The following KCNC2 variants were observed in gnomAD, a reference collection of about 807,000 sequenced individuals.
KCNC2 encodes potassium voltage-gated channel subfamily C member 2.
KCNC2 carries 21 observed loss-of-function variants against 44.5 expected under a neutral mutation model. The observed-to-expected ratio is 0.47, with a 90% confidence interval of 0.33 to 0.68. The LOEUF (loss-of-function observed/expected upper bound fraction) is 0.68, where lower values mean the gene tolerates loss of function less well. KCNC2 is among the 30% of genes least tolerant of loss of function. The probability of loss-of-function intolerance (pLI) is 0.01; values close to 1 mark genes in which losing one functional copy is unlikely to be tolerated. For missense variants in KCNC2, 589 were observed against 826.2 expected (o/e 0.71, Z 3.52); for synonymous variants, 391 against 339.1 (o/e 1.15, Z -1.68).
intron 2 of KCNC2, among the ~76,000 whole-genome samples, chr12:75,116,232 A>G (rs1404290349): frequency 6.6e-6 from 1 of 152,158 alleles, no homozygotes; most frequent in Non-Finnish European, 1.5e-5. Flanking sequence ...CAGGACCTGA[A>G]TTTACATGTT....
chr12:75,132,625 T>C (rs756933798), intron 2 of KCNC2, among the ~76,000 whole-genome samples: 10 of 152,176 alleles, frequency 6.6e-5, no homozygotes, highest in Non-Finnish European at 1.5e-4. Flanking sequence ...GTTGTAGTCA[T>C]AGCTCCTTCT....
chr12:75,102,288 AAGAG>A lies in KCNC2; in HGVS notation c.688-50975_688-50972del, dbSNP rs1461229649. 2.0e-5 allele frequency among the ~76,000 whole-genome samples: 3 copies of A among 152,120 alleles called. No individual in the cohort carries two copies. The East Asian group carries it at 5.8e-4, about 29-fold the overall frequency. On this transcript the variant is annotated intron_variant, in intron 2 of 4. Transcript: ENST00000549446. Reference sequence around the variant, plus strand: ...ATTTTGCACACTACGTAAGGACAAAAAGAGAGAATCATGTTGAGTAAATCTGACT... The same window carrying A: ...ATTTTGCACACTACGTAAGGACAAAAAGAATCATGTTGAGTAAATCTGACT...
chr12:75,070,796 G>T (rs948484875), intron 2 of KCNC2, among the ~76,000 whole-genome samples: 1 of 151,934 alleles, frequency 6.6e-6, no homozygotes. Flanking sequence ...GACAGCATTT[G>T]TGGGAAATAA....
intron 2 of KCNC2, among the ~76,000 whole-genome samples, chr12:75,093,240 C>T (rs1329331109): frequency 1.3e-5 from 2 of 151,524 alleles, no homozygotes; most frequent in Non-Finnish European, 3.0e-5. Flanking sequence ...AATTTAGGAA[C>T]ATCTTTTAGA....
chr12:75,098,913 T>C (rs1198017444), intron 2 of KCNC2, among the ~76,000 whole-genome samples: 1 of 152,106 alleles, frequency 6.6e-6, no homozygotes, highest in Non-Finnish European at 1.5e-5. Flanking sequence ...TGACATGCAG[T>C]GTGAGGCTTT....
intron 2 of KCNC2, among the ~76,000 whole-genome samples, chr12:75,137,493 C>T (rs1889314479): frequency 6.6e-6 from 1 of 152,062 alleles, no homozygotes; most frequent in Non-Finnish European, 1.5e-5. Context: ...CATGGACTAA[C>T]AAAGATTTTT....
At chr12:75,122,515 A>G (rs901038351) in intron 2 of KCNC2, among the ~76,000 whole-genome samples, 4 of 152,176 alleles carry the variant, frequency 2.6e-5, no homozygotes, top group Admixed American at 6.5e-5. Flanking sequence ...CATTAATCCT[A>G]TGAACTGATC....
intron 2 of KCNC2, among the ~76,000 whole-genome samples, chr12:75,075,864 T>G (rs757121121): frequency 6.6e-6 from 1 of 152,158 alleles, no homozygotes; most frequent in Non-Finnish European, 1.5e-5. Context: ...ATTCATAAAT[T>G]CCTATCTCCA....
chr12:75,171,387 ACCT>A (rs759990045), intron 2 of KCNC2, among the ~76,000 whole-genome samples: 7 of 151,808 alleles, frequency 4.6e-5, no homozygotes, highest in Non-Finnish European at 2.9e-5. Context: ...GGATTGGGAA[ACCT>A]TGAGGCTATC....
chr12:75,112,729 C>A (rs964207089), intron 2 of KCNC2, among the ~76,000 whole-genome samples: 13 of 151,896 alleles, frequency 8.6e-5, no homozygotes, highest in Non-Finnish European at 1.5e-4. Flanking sequence ...AACAAGCCAT[C>A]AAAATACATA....
At position 75,042,386 on chromosome 12, in the gene KCNC2, C is replaced by A. The variant is rs1790326903; in HGVS notation, c.*719G>T. ...CTCTTTGCAGTTATCTGTGTGCAAA[C>A]AACCAGAGACATTCAGAACTCCAAT... On this transcript the variant is annotated 3_prime_UTR_variant, in exon 5 of 5. Coordinates refer to ENST00000549446, the MANE Select transcript of KCNC2 (RefSeq NM_139137.4). The A allele has an allele frequency of 3.1e-6, 5 of 1,609,272 alleles. No homozygotes were observed. Among genetic ancestry groups the A allele is most frequent in the Non-Finnish European group, 4.2e-6 (5 of 1,177,064 alleles).
intron 2 of KCNC2, among the ~76,000 whole-genome samples, chr12:75,098,756 T>TTTAAATAAATAAA (rs142918647): frequency 6.9e-6 from 1 of 145,674 alleles, no homozygotes; most frequent in Non-Finnish European, 1.5e-5. Flanking sequence ...AGACTCTGTC[T>TTTAAATAAATAAA]TAAATAAATA....
intron 2 of KCNC2, among the ~76,000 whole-genome samples, chr12:75,186,083 AT>A (rs1892924370): frequency 2.1e-5 from 3 of 143,118 alleles, no homozygotes; most frequent in Non-Finnish European, 4.7e-5. Context: ...AAATAAATAA[AT>A]AAATAAATAA....
chr12:75,042,258 T>C lies in KCNC2; in HGVS notation c.*847A>G, dbSNP rs1197608872. On this transcript the variant is annotated 3_prime_UTR_variant, in exon 5 of 5. Coordinates refer to ENST00000549446, the MANE Select transcript of KCNC2 (RefSeq NM_139137.4). ...CAAGCAGCAATTTCTGGCTAAACAA[T>C]GCAAGCCTGGCTGGCAGTTACCTTT... 1.2e-6 allele frequency: 2 copies of C among 1,605,126 alleles called. No individual in the cohort carries two copies. The highest frequency in any genetic ancestry group is 2.2e-5 in the East Asian group (1 of 44,550).
intron 2 of KCNC2, among the ~76,000 whole-genome samples, chr12:75,192,070 G>T (rs1021375790): frequency 6.6e-6 from 1 of 152,114 alleles, no homozygotes; most frequent in Non-Finnish European, 1.5e-5. Context: ...AGTTTTACAT[G>T]TAATAGTCTT....
At chr12:75,054,508 A>G (rs980875598) in intron 2 of KCNC2, among the ~76,000 whole-genome samples, 1 of 152,140 alleles carries the variant, frequency 6.6e-6, no homozygotes, top group African/African-American at 2.4e-5. Flanking sequence ...CTTGAGAATA[A>G]CAATGGAGAA....
At chr12:75,156,428 G>A (rs1442504912) in intron 2 of KCNC2, among the ~76,000 whole-genome samples, 1 of 151,694 alleles carries the variant, frequency 6.6e-6, no homozygotes, top group Non-Finnish European at 1.5e-5. Flanking sequence ...TTTACATAAT[G>A]CCCATGGCTA....
Position 75,041,693 on chromosome 12 carries a change from G to A in KCNC2, c.*1412C>T. On this transcript the variant is annotated 3_prime_UTR_variant, in exon 5 of 5. Coordinates refer to ENST00000549446, the MANE Select transcript of KCNC2 (RefSeq NM_139137.4). ...TGTAGTAATGAATGCTGGTTGCTAG[G>A]TAGTAGAAACTGACACTGCAGCAGG... is the stretch of plus-strand genomic sequence containing the variant. 1.0e-6 allele frequency: 1 copy of A among 995,432 alleles called. No homozygotes were observed. The highest frequency in any genetic ancestry group is 1.2e-6 in the Non-Finnish European group (1 of 835,428). The allele number at this position is 995,432 out of a possible 1,614,324, so 61.7% of individuals were successfully genotyped here.
At chr12:75,172,709 C>G (rs571598140) in intron 2 of KCNC2, among the ~76,000 whole-genome samples, 16 of 151,928 alleles carry the variant, frequency 1.1e-4, no homozygotes, top group African/African-American at 2.9e-4. Flanking sequence ...AAAGAGCTAG[C>G]CTTTTACATC....
Sources: gnomAD v4.1 joint callset for allele counts (sites outside exome capture counted in the v4.1 genomes callset) on GRCh38, gnomAD v4.1.1 for gene constraint, MANE v1.5 for transcripts, NCBI Gene and HGNC (gene_info 2026-07-23, HGNC 2026-07-21) for gene names.